The following ALPK1 variants were observed in gnomAD, a reference collection of about 807,000 sequenced individuals.
ALPK1 encodes the protein alpha-protein kinase 1.
A neutral mutation model predicts 120.6 loss-of-function variants in ALPK1; 110 were observed. The observed-to-expected ratio is 0.91, with a 90% CI of 0.78 to 1.07. The LOEUF (loss-of-function observed/expected upper bound fraction) is 1.07, where lower values mean the gene tolerates loss of function less well. Among genes scored for constraint, ALPK1 ranks in the 50% least tolerant of loss-of-function variants. The pLI, the probability that ALPK1 is intolerant of heterozygous loss-of-function variation, is 0.00. For synonymous variants in ALPK1, 582 were observed against 560.3 expected (o/e 1.04, Z -0.55); for missense variants, 1,498 against 1,483.9 (o/e 1.01, Z -0.16).
rs1307623024 is a variant in ALPK1, at chr4:112,431,763, A to G, written c.2216A>G (p.Gln739Arg). The G allele has an allele frequency of 6.2e-7, 1 of 1,613,874 alleles. No individual in the cohort carries two copies. Among genetic ancestry groups the G allele is most frequent in the African/African-American group, 1.3e-5 (1 of 74,938 alleles). Residue 739 changes from glutamine (Q) to arginine (R), a missense_variant, in exon 11 of 16, where the codon CAA becomes CGA. Gln to Arg is a conservative substitution (Grantham distance 43). Coordinates refer to ENST00000650871, the MANE Select transcript of ALPK1 (RefSeq NM_025144.4). ...PKNMGTHPSV[Q>R]KEEAFEIIVE... is the part of the protein sequence containing the mutation. ...AATATGGGCACACATCCTTCAGTCC[A>G]AAAAGAAGAAGCCTTTGAAATAATT...
chr4:112,400,913 A>G (rs1203113968), intron 4 of ALPK1, among the ~76,000 whole-genome samples: 3 of 152,144 alleles, frequency 2.0e-5, no homozygotes, highest in Non-Finnish European at 4.4e-5. Context: ...CACCCCCATC[A>G]GATAATGTGT....
intron 1 of ALPK1, among the ~76,000 whole-genome samples, chr4:112,311,509 G>T (rs191352023): frequency 1.3e-5 from 2 of 152,084 alleles, no homozygotes; most frequent in African/African-American, 4.8e-5. Context: ...CTCAGGCTGC[G>T]CACTTAATCC....
rs780267078 is a variant in ALPK1, at chr4:112,441,242, G to C, written c.*32G>C. On this transcript the variant is annotated 3_prime_UTR_variant, in exon 16 of 16. Coordinates refer to ENST00000650871, the MANE Select transcript of ALPK1 (RefSeq NM_025144.4). Reference sequence around the variant, plus strand: ...GCACAGTCTGGTCCTTTGGGGCTTGGGCAGGGCCGTGACACAGGTTCTGGC... The same window carrying C: ...GCACAGTCTGGTCCTTTGGGGCTTGCGCAGGGCCGTGACACAGGTTCTGGC... 7.7e-6 allele frequency: 11 copies of C among 1,437,682 alleles called. No homozygotes were observed. In the Admixed American group the frequency reaches 1.5e-4, roughly 20 times the overall value. 89.1% of individuals were successfully genotyped at this position (1,437,682 alleles called of 1,614,324 possible). A position where few individuals can be genotyped will look rare whatever the true frequency, so the allele number is the denominator to read the frequency against.
chr4:112,340,962 A>G (rs1397227169), intron 2 of ALPK1, among the ~76,000 whole-genome samples: 1 of 152,232 alleles, frequency 6.6e-6, no homozygotes, highest in African/African-American at 2.4e-5. Context: ...CGTGGTTCCC[A>G]AAGATTGAAA....
At chr4:112,325,621 G>A (rs752153961) in intron 2 of ALPK1, among the ~76,000 whole-genome samples, 2 of 152,138 alleles carry the variant, frequency 1.3e-5, no homozygotes, top group Non-Finnish European at 1.5e-5. Context: ...CGGGGCAATC[G>A]TACGGCGTTT....
intron 4 of ALPK1, among the ~76,000 whole-genome samples, chr4:112,390,997 A>G (rs1732389573): frequency 6.6e-6 from 1 of 152,354 alleles, no homozygotes; most frequent in South Asian, 2.1e-4. Flanking sequence ...AAGAGACATT[A>G]TGAAAAACAA....
At chr4:112,345,908 G>A (rs1730079803) in intron 2 of ALPK1, among the ~76,000 whole-genome samples, 1 of 152,198 alleles carries the variant, frequency 6.6e-6, no homozygotes, top group South Asian at 2.1e-4. Context: ...TTGTTGCCCA[G>A]GCTGGAGTGC....
At chr4:112,433,725 T>TA (rs962150559) in intron 11 of ALPK1, among the ~76,000 whole-genome samples, 2 of 151,942 alleles carry the variant, frequency 1.3e-5, no homozygotes, top group Non-Finnish European at 2.9e-5. Flanking sequence ...TTTGAATGAT[T>TA]AAAAAAACAA....
intron 2 of ALPK1, among the ~76,000 whole-genome samples, chr4:112,328,337 G>A (rs1367183340): frequency 6.6e-6 from 1 of 152,246 alleles, no homozygotes; most frequent in East Asian, 1.9e-4. Context: ...AGAGCAAGAA[G>A]TATCAAATGG....
intron 2 of ALPK1, among the ~76,000 whole-genome samples, chr4:112,366,435 C>T (rs755282950): frequency 2.0e-5 from 3 of 151,446 alleles, no homozygotes; most frequent in Non-Finnish European, 4.4e-5. Flanking sequence ...GGCCAACAAA[C>T]ATATGGAAAA....
chr4:112,320,876 T>C (rs1436539935), intron 2 of ALPK1, among the ~76,000 whole-genome samples: 1 of 151,408 alleles, frequency 6.6e-6, no homozygotes, highest in Non-Finnish European at 1.5e-5. Context: ...TGATATTGGT[T>C]GTAATATCAC....
chr4:112,395,354 T>G (rs1732603195), intron 4 of ALPK1, among the ~76,000 whole-genome samples: 1 of 152,222 alleles, frequency 6.6e-6, no homozygotes, highest in Non-Finnish European at 1.5e-5. Context: ...CCAAGCATTT[T>G]TAAGCTCAAC....
At chr4:112,433,716 T>A (rs191471659) in intron 11 of ALPK1, among the ~76,000 whole-genome samples, 1 of 152,226 alleles carries the variant, frequency 6.6e-6, no homozygotes, top group Admixed American at 6.5e-5. Flanking sequence ...GAAAAATGAT[T>A]TGAATGATTA....
intron 5 of ALPK1, among the ~76,000 whole-genome samples, chr4:112,415,732 T>C (rs2148752177): frequency 6.6e-6 from 1 of 151,976 alleles, no homozygotes. Context: ...CGCATGCAAG[T>C]TTGTTTTTAT....
At chr4:112,402,358 A>G (rs951780086) in intron 4 of ALPK1, among the ~76,000 whole-genome samples, 15 of 152,226 alleles carry the variant, frequency 9.9e-5, no homozygotes, top group Non-Finnish European at 1.5e-4. Flanking sequence ...CTTGATGCTC[A>G]GCATCGGGAG....
At chr4:112,424,619 C>G (rs551411149) in intron 6 of ALPK1, among the ~76,000 whole-genome samples, 1 of 152,294 alleles carries the variant, frequency 6.6e-6, no homozygotes, top group African/African-American at 2.4e-5. Context: ...GACTTTTAAA[C>G]TCAGCATGCT....
intron 2 of ALPK1, among the ~76,000 whole-genome samples, chr4:112,338,538 C>T (rs1164336756): frequency 2.0e-5 from 3 of 151,718 alleles, no homozygotes; most frequent in African/African-American, 2.4e-5. Context: ...ATATATGTAA[C>T]GGATAAGAGG....
intron 5 of ALPK1, among the ~76,000 whole-genome samples, chr4:112,419,179 G>A (rs746407401): frequency 3.3e-5 from 5 of 152,128 alleles, no homozygotes; most frequent in Non-Finnish European, 7.4e-5. Flanking sequence ...ATTCGTGTAG[G>A]TATTTCATTT....
intron 4 of ALPK1, among the ~76,000 whole-genome samples, chr4:112,407,510 T>TAA (rs1195096656): frequency 6.6e-6 from 1 of 152,030 alleles, no homozygotes; most frequent in African/African-American, 2.4e-5. Context: ...TAAATAAAAA[T>TAA]AACAGAGAGA....
Sources: gnomAD v4.1 joint callset for allele counts (sites outside exome capture counted in the v4.1 genomes callset) on GRCh38, gnomAD v4.1.1 for gene constraint, MANE v1.5 for transcripts, NCBI Gene and HGNC (gene_info 2026-07-23, HGNC 2026-07-21) for gene names.